Variants in FSTL5 observed in about 807,000 individuals in gnomAD.
FSTL5 encodes follistatin like 5, also known as follistatin-related protein 5.
Under a neutral mutation model 89.1 loss-of-function variants are expected in FSTL5, and 62 were observed. The ratio of observed to expected loss-of-function variants is 0.70; its 90% CI spans 0.57 to 0.86. The LOEUF (loss-of-function observed/expected upper bound fraction) is 0.86. Ranked by LOEUF, FSTL5 falls within the 40% of genes least tolerant of loss-of-function variation. The pLI is 0.00. For synonymous variants in FSTL5, 383 were observed against 346.2 expected (o/e 1.11, Z -1.18); for missense variants, 1,057 against 1,001.6 (o/e 1.06, Z -0.75).
chr4:161,655,285 A>G (rs2126681199), intron 7 of FSTL5, among the ~76,000 whole-genome samples: 2 of 152,120 alleles, frequency 1.3e-5, no homozygotes, highest in South Asian at 4.1e-4. Flanking sequence ...AAGGCTTCTG[A>G]GAGCTTTTTT....
chr4:161,573,627 A>T lies in FSTL5; in HGVS notation c.1015+13828T>A, dbSNP rs1178211181. Among the ~76,000 whole-genome samples the T allele has an allele frequency of 2.0e-5, 3 of 147,286 alleles. No individual in the cohort carries two copies. The East Asian group carries it at 6.4e-4, about 31-fold the overall frequency. On this transcript the variant is annotated intron_variant, in intron 8 of 15. Transcript: ENST00000306100. ...GCATGCCTGTAATCCCAGCTACTCC[A>T]GGGGCTGAGGCAGGAGAATCGTTTG...
intron 4 of FSTL5, among the ~76,000 whole-genome samples, chr4:161,910,046 C>CTACCCA (rs1357435608): frequency 6.6e-6 from 1 of 152,132 alleles, no homozygotes; most frequent in Non-Finnish European, 1.5e-5. Flanking sequence ...TTACCAAAAG[C>CTACCCA]TACCCATAGC....
Position 162,137,127 on chromosome 4 carries a change from C to T in FSTL5, c.-16-25715G>A, listed in dbSNP as rs182868029. 7.4e-3 allele frequency among the ~76,000 whole-genome samples: 1,126 copies of T among 152,038 alleles called. 13 individuals carry two copies. The highest frequency in any genetic ancestry group is 0.025 in the African/African-American group (1,049 of 41,500). On this transcript the variant is annotated intron_variant, in intron 1 of 15. Transcript: ENST00000306100. ...AACTTTTTCTCAGCTATTTTCCTAC[C>T]TTGGCTATAAATCAATAGTCATCAT...
intron 2 of FSTL5, among the ~76,000 whole-genome samples, chr4:162,044,339 T>C (rs1738089835): frequency 1.3e-5 from 2 of 152,138 alleles, no homozygotes; most frequent in Non-Finnish European, 2.9e-5. Flanking sequence ...AGAGGAGTAA[T>C]ATTTTAAAAG....
At chr4:161,618,232 A>C (rs1204395635) in intron 7 of FSTL5, among the ~76,000 whole-genome samples, 1 of 137,712 alleles carries the variant, frequency 7.3e-6, no homozygotes, top group East Asian at 2.0e-4. Flanking sequence ...GGCTGAGACA[A>C]TGGGGTTTTC....
In FSTL5 at chr4:161,929,489, A is replaced by G. The variant is rs374328451; in HGVS notation, c.161-8837T>C. Among the ~76,000 whole-genome samples the G allele has an allele frequency of 5.4e-4, 82 of 151,796 alleles. 1 individual carries two copies. The South Asian group carries it at 6.8e-3, about 13-fold the overall frequency. On this transcript the variant is annotated intron_variant, in intron 3 of 15. Coordinates refer to ENST00000306100, the MANE Select transcript of FSTL5 (RefSeq NM_020116.5). The stretch of plus-strand genomic sequence containing the variant: ...TATAAACTTTAGAATCCGTTTGTCT[A>G]TATCTAAAAAGTAAGCTGGGATTTT...
chr4:161,698,804 G>C (rs1240994949), intron 6 of FSTL5, among the ~76,000 whole-genome samples: 1 of 152,054 alleles, frequency 6.6e-6, no homozygotes, highest in Non-Finnish European at 1.5e-5. Flanking sequence ...ATAAAACTTA[G>C]CAGGGCCTGG....
At chr4:161,682,230 T>C (rs1437084064) in intron 6 of FSTL5, among the ~76,000 whole-genome samples, 1 of 152,184 alleles carries the variant, frequency 6.6e-6, no homozygotes, top group Non-Finnish European at 1.5e-5. Context: ...GTGGTGAGTG[T>C]ATGTGAAGGC....
Position 161,920,541 on chromosome 4 carries a change from T to A in FSTL5, c.272A>T (p.Asp91Val). 1 of 1,614,008 alleles carries A rather than the reference T, an allele frequency of 6.2e-7. No individual in the cohort carries two copies. Among genetic ancestry groups the A allele is most frequent in the African/African-American group, 1.3e-5 (1 of 75,018 alleles). The change falls in exon 4 of 16, where the codon GAC (aspartate) becomes GTC (valine). Residue 91 changes from aspartate to valine, a missense_variant. Transcript: ENST00000306100. ...AGGTTTGTAGTGACGTTTGCAAAGGTCCATACAGGCACATTCTGCTTGCCC... is the reference window on the plus strand; with the variant it reads ...AGGTTTGTAGTGACGTTTGCAAAGGACCATACAGGCACATTCTGCTTGCCC... Reference protein sequence around the residue: ...ETGQAECACMDLCKRHYKPVC... With the variant: ...ETGQAECACMVLCKRHYKPVC...
At chr4:161,631,817 A>G (rs1304330766) in intron 7 of FSTL5, among the ~76,000 whole-genome samples, 1 of 152,230 alleles carries the variant, frequency 6.6e-6, no homozygotes, top group East Asian at 1.9e-4. Flanking sequence ...TATTCATTGA[A>G]GAAAAATAGT....
At chr4:161,604,052 A>G (rs140137616) in intron 7 of FSTL5, among the ~76,000 whole-genome samples, 1 of 152,186 alleles carries the variant, frequency 6.6e-6, no homozygotes, top group Admixed American at 6.5e-5. Context: ...CCTTCAAATC[A>G]TAAAACTAAC....
At chr4:161,833,416 G>A (rs921053367) in intron 4 of FSTL5, among the ~76,000 whole-genome samples, 33 of 137,140 alleles carry the variant, frequency 2.4e-4, no homozygotes, top group African/African-American at 8.8e-4. Context: ...GCAGAGCTGA[G>A]TTCAATTCCT....
intron 2 of FSTL5, among the ~76,000 whole-genome samples, chr4:162,098,982 G>A (rs1729389544): frequency 6.6e-6 from 1 of 151,944 alleles, no homozygotes; most frequent in Non-Finnish European, 1.5e-5. Context: ...AAAACTTAAA[G>A]ACTATAAAAT....
rs140609623 is a variant in FSTL5, at chr4:161,655,287, A to G, written c.894+1041T>C. Among the ~76,000 whole-genome samples the G allele has an allele frequency of 4.0e-3, 611 of 152,082 alleles. 11 individuals are homozygous for G. Among genetic ancestry groups the G allele is most frequent in the Admixed American group, 0.034 (526 of 15,262 alleles). On this transcript the variant is annotated intron_variant, in intron 7 of 15. Transcript: ENST00000306100. Reference sequence around the variant, plus strand: ...GTAGTAGAGTACAAAGGCTTCTGAGAGCTTTTTTTTTTCTTGACCTACTCA... The same window carrying G: ...GTAGTAGAGTACAAAGGCTTCTGAGGGCTTTTTTTTTTCTTGACCTACTCA...
At chr4:161,473,671 C>T (rs1430318495) in intron 13 of FSTL5, among the ~76,000 whole-genome samples, 2 of 152,140 alleles carry the variant, frequency 1.3e-5, no homozygotes, top group Admixed American at 1.3e-4. Context: ...GGGCCACACA[C>T]TGCCCCTGTC....
chr4:161,741,727 G>A (rs1478129333), intron 6 of FSTL5, among the ~76,000 whole-genome samples: 3 of 139,916 alleles, frequency 2.1e-5, no homozygotes, highest in Non-Finnish European at 4.5e-5. Context: ...TCACTCTGTC[G>A]CCCAGGCTGG....
At chr4:161,426,257 A>G (rs945080392) in intron 15 of FSTL5, among the ~76,000 whole-genome samples, 1 of 152,220 alleles carries the variant, frequency 6.6e-6, no homozygotes, top group Admixed American at 6.5e-5. Context: ...GAGTTTAACA[A>G]ATTCTAATAC....
intron 3 of FSTL5, among the ~76,000 whole-genome samples, chr4:161,950,215 A>C (rs1232022097): frequency 6.6e-6 from 1 of 152,084 alleles, no homozygotes; most frequent in African/African-American, 2.4e-5. Flanking sequence ...TTACTCAAAG[A>C]ATTTCTTTTT....
chr4:161,823,107 G>A lies in FSTL5; in HGVS notation c.410-47033C>T, dbSNP rs149528481. ...GGAAGTGCATGCTGACTGATTTATG[G>A]CTGGCCATTGGCAGGTATGAAAAAA... On this transcript the variant is annotated intron_variant, in intron 4 of 15. Transcript: ENST00000306100. Among the ~76,000 whole-genome samples the A allele has an allele frequency of 2.6e-3, 401 of 152,232 alleles. 6 individuals are homozygous for A. The South Asian group carries it at 0.051, about 19-fold the overall frequency.
Sources: gnomAD v4.1 joint callset for allele counts (sites outside exome capture counted in the v4.1 genomes callset) on GRCh38, gnomAD v4.1.1 for gene constraint, MANE v1.5 for transcripts, NCBI Gene and HGNC (gene_info 2026-07-23, HGNC 2026-07-21) for gene names.